Variants in SASH1 observed in about 807,000 individuals in gnomAD.
SASH1 encodes the protein SAM and SH3 domain containing 1.
In SASH1, 44 loss-of-function variants were observed where a neutral mutation model predicts 125.2. The observed-to-expected ratio is 0.35, with a 90% CI of 0.28 to 0.45. The LOEUF is 0.45. Ranked by LOEUF, SASH1 falls within the 20% of genes least tolerant of loss-of-function variation. The probability of loss-of-function intolerance (pLI) is 1.00; values close to 1 mark genes in which losing one functional copy is unlikely to be tolerated. For synonymous variants in SASH1, 639 were observed against 649.1 expected (o/e 0.98, Z 0.24); for missense variants, 1,426 against 1,614.5 (o/e 0.88, Z 2.00).
chr6:148,269,507 C>G (rs1779013243), upstream of SASH1, among the ~76,000 whole-genome samples: 1 of 152,194 alleles, frequency 6.6e-6, no homozygotes, highest in Non-Finnish European at 1.5e-5. Flanking sequence ...TCACCTCAGC[C>G]TCGCAAAGTG....
chr6:148,453,948 G>A (rs912104180), intron 4 of SASH1, among the ~76,000 whole-genome samples: 2 of 152,204 alleles, frequency 1.3e-5, no homozygotes, highest in African/African-American at 4.8e-5. Flanking sequence ...CACAGCCCGT[G>A]CTGGCTGCAC....
chr6:148,411,166 C>CAAAAAAAAAAAAAAAAAAAAAAAAAAA (rs56342457), intron 2 of SASH1, among the ~76,000 whole-genome samples: 5 of 46,182 alleles, frequency 1.1e-4, no homozygotes, highest in Non-Finnish European at 1.9e-4. Context: ...ACTCCATCTC[C>CAAAAAAAAAAAAAAAAAAAAAAAAAAA]AAAAAAAAAA....
At chr6:148,423,695 C>G (rs1451368140) in intron 2 of SASH1, among the ~76,000 whole-genome samples, 1 of 152,138 alleles carries the variant, frequency 6.6e-6, no homozygotes, top group Non-Finnish European at 1.5e-5. Flanking sequence ...ACTGCGAGCT[C>G]TTGAAGGTCA....
At chr6:148,404,756 G>T (rs1246692270) in intron 2 of SASH1, among the ~76,000 whole-genome samples, 2 of 92,136 alleles carry the variant, frequency 2.2e-5, no homozygotes, top group Non-Finnish European at 2.1e-5. Flanking sequence ...CCCAGCCCGT[G>T]CCCCACCCCA....
upstream of SASH1, among the ~76,000 whole-genome samples, chr6:148,339,443 A>G (rs751033983): frequency 1.1e-4 from 16 of 152,098 alleles, no homozygotes; most frequent in Non-Finnish European, 2.2e-4. Context: ...AACAGCTTAA[A>G]TATCTAGAAT....
chr6:148,259,662 G>T, the SASH1 span, among the ~76,000 whole-genome samples: 1 of 152,130 alleles, frequency 6.6e-6, no homozygotes, highest in Non-Finnish European at 1.5e-5. Flanking sequence ...TTCATTCATT[G>T]CATAAATGAA....
chr6:148,496,065 G>C (rs1317431464), intron 8 of SASH1, among the ~76,000 whole-genome samples: 1 of 148,588 alleles, frequency 6.7e-6, no homozygotes, highest in Non-Finnish European at 1.5e-5. Context: ...CCAGGCTGTT[G>C]TCGAACTCCT....
At chr6:148,354,640 C>A (rs964888286) in intron 1 of SASH1, among the ~76,000 whole-genome samples, 1 of 152,114 alleles carries the variant, frequency 6.6e-6, no homozygotes, top group Admixed American at 6.6e-5. Context: ...ATAACAATGG[C>A]CCCACCAGAC....
the SASH1 span, among the ~76,000 whole-genome samples, chr6:148,229,815 G>A: frequency 1.3e-5 from 2 of 149,954 alleles, no homozygotes; most frequent in Admixed American, 6.7e-5. Flanking sequence ...AGGTTCAAGC[G>A]ATTCTCCTGT....
chr6:148,524,119 A>ATTTTTTT (rs1404681101), intron 10 of SASH1, among the ~76,000 whole-genome samples: 3 of 125,154 alleles, frequency 2.4e-5, no homozygotes, highest in Admixed American at 8.0e-5. Context: ...ATATATATAT[A>ATTTTTTT]TATTTTTTTT....
intron 17 of SASH1, among the ~76,000 whole-genome samples, chr6:148,543,071 G>T (rs1782329033): frequency 6.6e-6 from 1 of 152,152 alleles, no homozygotes; most frequent in Non-Finnish European, 1.5e-5. Flanking sequence ...CTGTTGCTTT[G>T]CTGGGACCTA....
chr6:148,207,971 A>G, the SASH1 span, among the ~76,000 whole-genome samples: 1 of 152,180 alleles, frequency 6.6e-6, no homozygotes, highest in Admixed American at 6.5e-5. Context: ...GGCCTCAGAG[A>G]CCATGACTGC....
intron 17 of SASH1, among the ~76,000 whole-genome samples, chr6:148,542,496 C>T (rs1430480947): frequency 5.9e-5 from 9 of 152,180 alleles, no homozygotes; most frequent in African/African-American, 2.2e-4. Context: ...ATGCCATTCT[C>T]CCGCCTCAGC....
the SASH1 span, among the ~76,000 whole-genome samples, chr6:148,216,256 C>A: frequency 6.6e-6 from 1 of 152,160 alleles, no homozygotes. Flanking sequence ...TATTACTTTT[C>A]CACATCTACT....
chr6:148,429,489 A>G (rs114726553), intron 2 of SASH1, among the ~76,000 whole-genome samples: 1 of 151,476 alleles, frequency 6.6e-6, no homozygotes, highest in African/African-American at 2.4e-5. Context: ...AGTTGTTCAC[A>G]CTTCTAATCC....
At chr6:148,226,700 T>G in the SASH1 span, among the ~76,000 whole-genome samples, 1 of 152,212 alleles carries the variant, frequency 6.6e-6, no homozygotes, top group Non-Finnish European at 1.5e-5. Flanking sequence ...TCTTTATGGT[T>G]GCAAAATGGC....
chr6:148,233,045 G>A, the SASH1 span, among the ~76,000 whole-genome samples: 5 of 151,952 alleles, frequency 3.3e-5, no homozygotes, highest in African/African-American at 9.6e-5. Flanking sequence ...GAGAAACCCC[G>A]TCTCTACTAA....
At chr6:148,534,440 CCT>C (rs1187512609) in intron 15 of SASH1, among the ~76,000 whole-genome samples, 4 of 152,148 alleles carry the variant, frequency 2.6e-5, no homozygotes, top group African/African-American at 9.7e-5. Context: ...GGAGGAGTCT[CCT>C]CTGTTGTGGG....
intron 2 of SASH1, among the ~76,000 whole-genome samples, chr6:148,393,112 T>C (rs1199552088): frequency 6.7e-6 from 1 of 149,644 alleles, no homozygotes; most frequent in Non-Finnish European, 1.5e-5. Context: ...AGTGGTGTGA[T>C]CTCAGCTCAC....
Sources: allele counts gnomAD v4.1 joint callset (sites outside exome capture counted in the v4.1 genomes callset), GRCh38; gene constraint gnomAD v4.1.1; transcripts MANE v1.5; gene names NCBI Gene and HGNC (gene_info 2026-07-23, HGNC 2026-07-21).